The following ADGRB3 variants were observed in gnomAD, a reference collection of about 807,000 sequenced individuals.
ADGRB3 encodes adhesion G protein-coupled receptor B3, also known as brain-specific angiogenesis inhibitor 3.
A neutral mutation model predicts 193.4 loss-of-function variants in ADGRB3; 37 were observed. The ratio of observed to expected loss-of-function variants is 0.19; its 90% CI spans 0.15 to 0.25. ADGRB3 has a LOEUF of 0.25. Among genes scored for constraint, ADGRB3 ranks in the 10% least tolerant of loss-of-function variants. The pLI, the probability that ADGRB3 is intolerant of heterozygous loss-of-function variation, is 1.00. For missense variants in ADGRB3, 1,637 were observed against 1,852.9 expected (o/e 0.88, Z 2.14); for synonymous variants, 690 against 644.2 (o/e 1.07, Z -1.08).
chr6:68,730,719 A>G (rs1471945247), intron 3 of ADGRB3, among the ~76,000 whole-genome samples: 1 of 151,732 alleles, frequency 6.6e-6, no homozygotes, highest in Non-Finnish European at 1.5e-5. Flanking sequence ...ATAATTTTCA[A>G]CAACTCAGTT....
chr6:69,270,105 G>A (rs1425203950), intron 20 of ADGRB3, among the ~76,000 whole-genome samples: 1 of 152,132 alleles, frequency 6.6e-6, no homozygotes, highest in African/African-American at 2.4e-5. Flanking sequence ...CAGTTAATGA[G>A]CATGGTTTCT....
chr6:69,297,392 A>T lies in ADGRB3; in HGVS notation c.2815-27480A>T, dbSNP rs200086064. Reference sequence around the variant, plus strand: ...TTTCTCTCTCTCTCTCTCTCTCTCTATCTCTCTCTCTCTCTCTCTATATAT... The same window carrying T: ...TTTCTCTCTCTCTCTCTCTCTCTCTTTCTCTCTCTCTCTCTCTCTATATAT... On this transcript the variant is annotated intron_variant, in intron 20 of 31. Transcript: ENST00000370598. 6.2e-5 allele frequency among the ~76,000 whole-genome samples: 7 copies of T among 113,262 alleles called. No homozygotes were observed. In the Admixed American group the frequency reaches 6.6e-4, roughly 11 times the overall value. 74.3% of individuals were successfully genotyped at this position (113,262 alleles called of 152,430 possible).
At position 69,066,555 on chromosome 6, in the gene ADGRB3, G is replaced by A. The variant is rs142736801; in HGVS notation, c.2436+3519G>A. Among the ~76,000 whole-genome samples the A allele has an allele frequency of 5.9e-3, 892 of 152,014 alleles. 9 individuals carry two copies. Among genetic ancestry groups the A allele is most frequent in the African/African-American group, 0.02 (824 of 41,496 alleles). ...TGATAGGAATAGGTAATAAAATATG[G>A]AACCTAGCAATTCCAAATTCTGTTT... On this transcript the variant is annotated intron_variant, in intron 16 of 31. Coordinates refer to ENST00000370598, the MANE Select transcript of ADGRB3 (RefSeq NM_001704.3).
chr6:69,320,749 A>G (rs958108555), intron 20 of ADGRB3, among the ~76,000 whole-genome samples: 6 of 150,810 alleles, frequency 4.0e-5, no homozygotes, highest in Admixed American at 6.6e-5. Context: ...TTTTACTCTG[A>G]TAGCTTTTAA....
intron 15 of ADGRB3, among the ~76,000 whole-genome samples, chr6:69,054,877 G>A (rs1771499955): frequency 6.6e-6 from 1 of 152,040 alleles, no homozygotes; most frequent in Admixed American, 6.5e-5. Context: ...TTTTGATAAA[G>A]TACCCAAATT....
At chr6:69,362,296 C>T (rs1360844277) in intron 29 of ADGRB3, among the ~76,000 whole-genome samples, 1 of 151,882 alleles carries the variant, frequency 6.6e-6, no homozygotes, top group African/African-American at 2.4e-5. Flanking sequence ...TACATGCATA[C>T]TTTTATATGA....
intron 17 of ADGRB3, among the ~76,000 whole-genome samples, chr6:69,133,769 A>T (rs1478168436): frequency 2.0e-5 from 3 of 151,456 alleles, no homozygotes; most frequent in African/African-American, 7.3e-5. Flanking sequence ...GATTTCTGAG[A>T]TTTTGATGCG....
chr6:69,201,829 C>T (rs1165983206), intron 17 of ADGRB3, among the ~76,000 whole-genome samples: 1 of 152,052 alleles, frequency 6.6e-6, no homozygotes, highest in African/African-American at 2.4e-5. Context: ...ATATTCCTAC[C>T]CCTTTCTAAT....
intron 11 of ADGRB3, among the ~76,000 whole-genome samples, chr6:69,010,058 A>G (rs1769889687): frequency 6.6e-6 from 1 of 152,092 alleles, no homozygotes; most frequent in Non-Finnish European, 1.5e-5. Flanking sequence ...TAGGGCCTCT[A>G]CTTTGAATGC....
intron 17 of ADGRB3, among the ~76,000 whole-genome samples, chr6:69,153,917 C>T (rs1195552075): frequency 6.6e-6 from 1 of 151,924 alleles, no homozygotes; most frequent in African/African-American, 2.4e-5. Flanking sequence ...GGTGTGAACC[C>T]GGGAGGCAGA....
At chr6:69,034,023 G>T (rs1770792035) in intron 13 of ADGRB3, among the ~76,000 whole-genome samples, 1 of 151,942 alleles carries the variant, frequency 6.6e-6, no homozygotes, top group African/African-American at 2.4e-5. Flanking sequence ...CTGACTCATT[G>T]AATTTATTAA....
intron 13 of ADGRB3, among the ~76,000 whole-genome samples, chr6:69,018,938 G>T (rs1770179543): frequency 6.6e-6 from 1 of 151,948 alleles, no homozygotes; most frequent in Non-Finnish European, 1.5e-5. Flanking sequence ...GATTGTCCCA[G>T]GCAGGAGCTG....
intron 17 of ADGRB3, among the ~76,000 whole-genome samples, chr6:69,210,981 G>T (rs1383953034): frequency 3.9e-5 from 6 of 151,996 alleles, no homozygotes; most frequent in Non-Finnish European, 5.9e-5. Flanking sequence ...AATTAACCAG[G>T]CGTGGTGGCA....
chr6:69,237,416 A>G (rs1422382689), intron 19 of ADGRB3, among the ~76,000 whole-genome samples: 1 of 152,060 alleles, frequency 6.6e-6, no homozygotes, highest in Non-Finnish European at 1.5e-5. Context: ...CTCTTCACCT[A>G]TAGATAAGTT....
At chr6:68,781,716 C>G (rs985340298) in intron 3 of ADGRB3, among the ~76,000 whole-genome samples, 1 of 151,958 alleles carries the variant, frequency 6.6e-6, no homozygotes, top group Admixed American at 6.6e-5. Context: ...TAACCACCAA[C>G]AGAAGCTGCC....
chr6:68,847,220 T>C (rs1768297336), intron 3 of ADGRB3, among the ~76,000 whole-genome samples: 1 of 152,210 alleles, frequency 6.6e-6, no homozygotes, highest in African/African-American at 2.4e-5. Flanking sequence ...TCTTTTGACT[T>C]CACAGGCTCA....
At chr6:68,999,646 T>C (rs751072413) in intron 11 of ADGRB3, among the ~76,000 whole-genome samples, 1 of 152,214 alleles carries the variant, frequency 6.6e-6, no homozygotes, top group South Asian at 2.1e-4. Flanking sequence ...CTCAAAAGTC[T>C]CACCAAATCC....
intron 19 of ADGRB3, among the ~76,000 whole-genome samples, chr6:69,236,195 A>T (rs973082436): frequency 2.6e-5 from 4 of 152,000 alleles, no homozygotes; most frequent in African/African-American, 9.7e-5. Flanking sequence ...CTCTTTTGAG[A>T]GCAAGAATTA....
At chr6:68,864,256 G>C (rs1765231909) in intron 3 of ADGRB3, among the ~76,000 whole-genome samples, 1 of 152,190 alleles carries the variant, frequency 6.6e-6, no homozygotes, top group Non-Finnish European at 1.5e-5. Flanking sequence ...GCACAGTTAA[G>C]TTATGGCACT....
Sources: allele counts gnomAD v4.1 joint callset (sites outside exome capture counted in the v4.1 genomes callset), GRCh38; gene constraint gnomAD v4.1.1; transcripts MANE v1.5; gene names NCBI Gene and HGNC (gene_info 2026-07-23, HGNC 2026-07-21).